L3MBTL4: variants seen among roughly 807,000 people sequenced by gnomAD.
L3MBTL4 encodes the protein lethal(3)malignant brain tumor-like protein 4.
L3MBTL4 carries 70 observed loss-of-function variants against 84.5 expected under a neutral mutation model. The observed-to-expected ratio is 0.83, with a 90% CI of 0.68 to 1.01. L3MBTL4 has a LOEUF of 1.01. Among genes scored for constraint, L3MBTL4 ranks in the 50% least tolerant of loss-of-function variants. L3MBTL4 has a pLI of 0.00. For missense variants in L3MBTL4, 715 were observed against 754.8 expected, an observed-to-expected ratio of 0.95 and a Z score of 0.62; for synonymous variants, 274 against 259.8, an observed-to-expected ratio of 1.05 and a Z score of -0.52.
chr18:6,041,309 C>T (rs2056388114), intron 16 of L3MBTL4, among the ~76,000 whole-genome samples: 1 of 152,210 alleles, frequency 6.6e-6, no homozygotes, highest in Non-Finnish European at 1.5e-5. Context: ...AATCTCAGGC[C>T]ATGCCCACCA....
chr18:6,365,764 G>T (rs112828014), intron 1 of L3MBTL4, among the ~76,000 whole-genome samples: 189 of 152,322 alleles, frequency 1.2e-3, no homozygotes, highest in South Asian at 2.3e-3. Flanking sequence ...ACACTGTATT[G>T]TTTGCAAGCA....
At chr18:6,267,747 C>T (rs754391693) in intron 4 of L3MBTL4, among the ~76,000 whole-genome samples, 2 of 152,154 alleles carry the variant, frequency 1.3e-5, no homozygotes, top group Non-Finnish European at 2.9e-5. Flanking sequence ...TACCAAAGAA[C>T]CTTTTAAAAT....
At chr18:6,157,387 C>T (rs955328666) in intron 13 of L3MBTL4, among the ~76,000 whole-genome samples, 12 of 152,192 alleles carry the variant, frequency 7.9e-5, no homozygotes, top group Non-Finnish European at 1.8e-4. Context: ...CAAAAAATTG[C>T]ATTAACTTTT....
intron 11 of L3MBTL4, among the ~76,000 whole-genome samples, chr18:6,215,379 G>A (rs1210069584): frequency 6.6e-6 from 1 of 152,138 alleles, no homozygotes; most frequent in African/African-American, 2.4e-5. Flanking sequence ...CAACAATTTT[G>A]TTATGGCATC....
intron 1 of L3MBTL4, among the ~76,000 whole-genome samples, chr18:6,325,798 G>A (rs2051685900): frequency 6.6e-6 from 1 of 152,140 alleles, no homozygotes; most frequent in Admixed American, 6.5e-5. Flanking sequence ...ATTTCTTAAA[G>A]TCCTTTGAAA....
chr18:5,962,519 C>T (rs1041968326), intron 17 of L3MBTL4, among the ~76,000 whole-genome samples: 12 of 152,176 alleles, frequency 7.9e-5, no homozygotes, highest in Non-Finnish European at 1.6e-4. Flanking sequence ...GCGGGGAGCC[C>T]TGAGCCTTGG....
intron 3 of L3MBTL4, among the ~76,000 whole-genome samples, chr18:6,308,998 GATATTA>G (rs1210562018): frequency 6.6e-6 from 1 of 152,164 alleles, no homozygotes; most frequent in Non-Finnish European, 1.5e-5. Flanking sequence ...TTCACTGACA[GATATTA>G]ATATTATCAT....
At chr18:6,196,209 C>G (rs140956567) in intron 12 of L3MBTL4, among the ~76,000 whole-genome samples, 2,059 of 146,630 alleles carry the variant, frequency 0.014, 58 homozygotes, top group African/African-American at 0.05. Context: ...CCAGGCTGTA[C>G]TGCAGTGGCA....
intron 16 of L3MBTL4, among the ~76,000 whole-genome samples, chr18:6,062,078 T>C (rs1350696312): frequency 2.0e-5 from 3 of 152,014 alleles, no homozygotes; most frequent in Non-Finnish European, 4.4e-5. Context: ...TCTCTAATGC[T>C]CTTCCTTTAA....
At chr18:6,238,919 C>CA (rs572603481) in intron 9 of L3MBTL4, among the ~76,000 whole-genome samples, 10,031 of 143,702 alleles carry the variant, frequency 0.07, 1,081 homozygotes, top group African/African-American at 0.23. Context: ...GGTTTTTAAT[C>CA]AAAAAAAAAA....
intron 12 of L3MBTL4, among the ~76,000 whole-genome samples, chr18:6,207,960 CA>C (rs1223788211): frequency 6.6e-6 from 1 of 151,570 alleles, no homozygotes; most frequent in Non-Finnish European, 1.5e-5. Context: ...AAAAAATTAA[CA>C]AAAATTAGCT....
At chr18:6,317,779 A>G (rs1471104891) in intron 1 of L3MBTL4, among the ~76,000 whole-genome samples, 1 of 152,202 alleles carries the variant, frequency 6.6e-6, no homozygotes, top group Non-Finnish European at 1.5e-5. Context: ...TGCAAAAAGG[A>G]CATCACCAAG....
intron 16 of L3MBTL4, among the ~76,000 whole-genome samples, chr18:6,013,596 C>T (rs981768390): frequency 1.2e-4 from 19 of 152,312 alleles, no homozygotes; most frequent in Non-Finnish European, 2.4e-4. Context: ...AGTTCCTTAG[C>T]GCGTCCTCGG....
intron 1 of L3MBTL4, chr18:6,367,573 G>A (rs190988095): frequency 4.3e-4 from 66 of 152,262 alleles, no homozygotes; most frequent in African/African-American, 1.5e-3. Flanking sequence ...TCAAAAGCTG[G>A]GGTCAGGGCA....
intron 1 of L3MBTL4, among the ~76,000 whole-genome samples, chr18:6,343,913 A>C: frequency 6.6e-6 from 1 of 151,824 alleles, no homozygotes; most frequent in Admixed American, 6.6e-5. Context: ...GCAGTGCTAA[A>C]AGTTTACAGC....
intron 5 of L3MBTL4, among the ~76,000 whole-genome samples, chr18:6,245,211 A>C (rs1210577787): frequency 2.0e-5 from 3 of 152,166 alleles, no homozygotes; most frequent in Non-Finnish European, 4.4e-5. Context: ...AATTTTTTGA[A>C]AGAATTCACT....
At chr18:5,973,004 T>C (rs1265796264) in intron 16 of L3MBTL4, among the ~76,000 whole-genome samples, 3 of 152,156 alleles carry the variant, frequency 2.0e-5, no homozygotes, top group East Asian at 1.9e-4. Flanking sequence ...TTATACCTCA[T>C]TGAGTTGTGA....
chr18:6,244,334 A>G (rs978000788), intron 6 of L3MBTL4, 150 bp downstream of exon 6: 7 of 490,442 alleles, frequency 1.4e-5, no homozygotes, highest in Admixed American at 4.0e-5. Context: ...AAATTCACTA[A>G]GAAACATAGT....
chr18:6,407,839 A>G (rs553148345), intron 1 of L3MBTL4, among the ~76,000 whole-genome samples: 1 of 152,336 alleles, frequency 6.6e-6, no homozygotes, highest in South Asian at 2.1e-4. Flanking sequence ...AGAACATAGA[A>G]AAGTAAAATT....
Sources: gnomAD v4.1 joint callset for allele counts (sites outside exome capture counted in the v4.1 genomes callset) on GRCh38, gnomAD v4.1.1 for gene constraint, MANE v1.5 for transcripts, NCBI Gene and HGNC (gene_info 2026-07-23, HGNC 2026-07-21) for gene names.